PARVB: variants seen among roughly 807,000 people sequenced by gnomAD.
PARVB encodes the protein parvin beta, also known as beta-parvin.
A neutral mutation model predicts 47.0 loss-of-function variants in PARVB; 46 were observed. The ratio of observed to expected loss-of-function variants is 0.98; its 90% CI spans 0.77 to 1.25. The LOEUF (loss-of-function observed/expected upper bound fraction) is 1.25. Among genes scored for constraint, PARVB ranks in the 50% most tolerant of loss-of-function variants. PARVB has a pLI of 0.00. For synonymous variants in PARVB, 196 were observed against 196.3 expected (o/e 1.00, Z 0.01); for missense variants, 473 against 471.6 (o/e 1.00, Z -0.03).
intron 8 of PARVB, chr22:44,143,840 G>A (rs1447966911): frequency 1.3e-5 from 2 of 152,452 alleles, no homozygotes; most frequent in Admixed American, 6.5e-5. Context: ...CTGGGCTGGA[G>A]GCTCTTTCTG....
At chr22:44,122,683 T>A (rs552392877) in intron 4 of PARVB, among the ~76,000 whole-genome samples, 65 of 152,300 alleles carry the variant, frequency 4.3e-4, no homozygotes, top group African/African-American at 1.5e-3. Flanking sequence ...TTATCCTTCT[T>A]ATGTTTCTTT....
intron 2 of PARVB, among the ~76,000 whole-genome samples, chr22:44,007,537 C>T (rs2050478540): frequency 6.6e-6 from 1 of 152,212 alleles, no homozygotes; most frequent in African/African-American, 2.4e-5. Flanking sequence ...GTCTCCATCT[C>T]CTTCCTTCCT....
intron 1 of PARVB, among the ~76,000 whole-genome samples, chr22:44,088,067 C>A: frequency 6.6e-6 from 1 of 152,214 alleles, no homozygotes; most frequent in Admixed American, 6.5e-5. Flanking sequence ...AACTGAGACA[C>A]ACAGAGCCGT....
In PARVB at chr22:44,148,011, A is replaced by G. The variant is rs536222509; in HGVS notation, c.774+89A>G. The G allele has an allele frequency of 7.1e-6, 7 of 982,142 alleles. No homozygotes were observed. In the African/African-American group the frequency reaches 1.1e-4, roughly 16 times the overall value. 60.8% of individuals were successfully genotyped at this position (982,142 alleles called of 1,614,324 possible). On this transcript the variant is annotated intron_variant, in intron 9 of 12. Transcript: ENST00000338758. Reference sequence around the variant, plus strand: ...CGCCCCGCTGGGAAGAAGGTGGGAAAATGTTTGGAATCTCAGAAATGTTTG... The same window carrying G: ...CGCCCCGCTGGGAAGAAGGTGGGAAGATGTTTGGAATCTCAGAAATGTTTG...
chr22:44,080,784 A>G (rs1341903866), intron 1 of PARVB, among the ~76,000 whole-genome samples: 2 of 152,220 alleles, frequency 1.3e-5, no homozygotes, highest in Non-Finnish European at 2.9e-5. Context: ...TGATTCATTC[A>G]TTCATGAATT....
chr22:44,078,493 A>G (rs1485196936), intron 1 of PARVB, among the ~76,000 whole-genome samples: 1 of 152,150 alleles, frequency 6.6e-6, no homozygotes, highest in Non-Finnish European at 1.5e-5. Flanking sequence ...TGGACCTAGT[A>G]AAAGGCTCTG....
chr22:44,093,776 C>A, intron 1 of PARVB, 152 bp from the exon 2 acceptor site: 1 of 581,688 alleles, frequency 1.7e-6, no homozygotes, highest in Non-Finnish European at 3.0e-6. Flanking sequence ...GCATTTTTCC[C>A]TCTGACTCTT....
At chr22:44,109,485 T>C (rs2052641980) in intron 3 of PARVB, 1 of 152,206 alleles carries the variant, frequency 6.6e-6, no homozygotes, top group Admixed American at 6.5e-5. Flanking sequence ...TAATGACTAG[T>C]GCTATCTTTA....
Position 44,136,499 on chromosome 22 carries a change from G to A in PARVB, c.673G>A (p.Glu225Lys), listed in dbSNP as rs2053445039. The A allele has an allele frequency of 6.2e-7, 1 of 1,614,080 alleles. No homozygotes were observed. Among genetic ancestry groups the A allele is most frequent in the South Asian group, 1.1e-5 (1 of 91,072 alleles). The change falls in exon 7 of 13, where the codon GAG (glutamate) becomes AAG (lysine). Residue 225 changes from glutamate to lysine, a missense_variant. Coordinates refer to ENST00000338758, the MANE Select transcript of PARVB (RefSeq NM_013327.5). ...GCTGCATTCCAGCCACATCTCGGAG[G>A]AGCTGACCACAACTACAGAGTAAGT... is the stretch of plus-strand genomic sequence containing the variant. ...GLLHSSHISE[E>K]LTTTTEMMMG...
intron 1 of PARVB, among the ~76,000 whole-genome samples, chr22:44,057,093 T>C (rs1389290311): frequency 3.4e-5 from 5 of 148,828 alleles, no homozygotes; most frequent in South Asian, 4.2e-4. Flanking sequence ...CTCTCTCTCT[T>C]TTTTTTTTGT....
At chr22:44,109,658 A>G (rs1024843544) in intron 3 of PARVB, 2 of 152,144 alleles carry the variant, frequency 1.3e-5, no homozygotes, top group African/African-American at 4.8e-5. Context: ...GGCCTGCTGC[A>G]TGGAATTTGA....
intron 4 of PARVB, among the ~76,000 whole-genome samples, chr22:44,121,088 A>G (rs2053036510): frequency 6.7e-6 from 1 of 149,594 alleles, no homozygotes; most frequent in Admixed American, 6.7e-5. Context: ...TGATCCACCC[A>G]CCTCAGCCTC....
At chr22:44,072,910 C>T (rs2051686255) in intron 1 of PARVB, among the ~76,000 whole-genome samples, 1 of 151,256 alleles carries the variant, frequency 6.6e-6, no homozygotes, top group Non-Finnish European at 1.5e-5. Context: ...TCCTTCAAGA[C>T]TCAGCTCCAG....
At chr22:44,133,163 C>T (rs374507171) in intron 6 of PARVB, among the ~76,000 whole-genome samples, 154 bp downstream of exon 6, 2 of 151,852 alleles carry the variant, frequency 1.3e-5, no homozygotes, top group South Asian at 2.1e-4. Flanking sequence ...ACCCTGGCTC[C>T]GAGATAAATG....
At chr22:44,157,939 ACTC>A in intron 10 of PARVB, 40 bp from the exon 11 acceptor site, 1 of 1,453,778 alleles carries the variant, frequency 6.9e-7, no homozygotes, top group Non-Finnish European at 9.7e-7. Flanking sequence ...GCATTTGCCA[ACTC>A]CTTACCCTGC....
At chr22:44,115,561 C>T (rs1369519409) in intron 3 of PARVB, 1 of 50,792 alleles carries the variant, frequency 2.0e-5, no homozygotes, top group African/African-American at 1.3e-4. Flanking sequence ...TACATTGTTA[C>T]TAACTAAGGC....
intron 1 of PARVB, among the ~76,000 whole-genome samples, chr22:44,085,520 T>G (rs1364997612): frequency 6.6e-6 from 1 of 152,104 alleles, no homozygotes; most frequent in Non-Finnish European, 1.5e-5. Flanking sequence ...GCCCCGCTGG[T>G]CTCGAACTCC....
At chr22:44,082,467 C>T (rs532063156) in intron 1 of PARVB, among the ~76,000 whole-genome samples, 49 of 152,124 alleles carry the variant, frequency 3.2e-4, no homozygotes, top group African/African-American at 1.2e-3. Flanking sequence ...TGCAGTGAGC[C>T]AAGATCGAGC....
intron 1 of PARVB, among the ~76,000 whole-genome samples, chr22:44,062,194 G>A (rs2051432575): frequency 6.6e-6 from 1 of 152,180 alleles, no homozygotes; most frequent in African/African-American, 2.4e-5. Flanking sequence ...GACACCAGCT[G>A]GGTGTCCTGC....
Sources: allele counts gnomAD v4.1 joint callset (sites outside exome capture counted in the v4.1 genomes callset), GRCh38; gene constraint gnomAD v4.1.1; transcripts MANE v1.5; gene names NCBI Gene and HGNC (gene_info 2026-07-23, HGNC 2026-07-21).